The following TFPI variants were observed in gnomAD, a reference collection of about 807,000 sequenced individuals.
The protein encoded by TFPI is anti-convertin.
In TFPI, 15 loss-of-function variants were observed where a neutral mutation model predicts 34.6. The ratio of observed to expected loss-of-function variants is 0.43; its 90% CI spans 0.29 to 0.67. The LOEUF (loss-of-function observed/expected upper bound fraction) is 0.67. Ranked by LOEUF, TFPI falls within the 30% of genes least tolerant of loss-of-function variation. The pLI is 0.15. For missense variants in TFPI, 301 were observed against 364.0 expected, an observed-to-expected ratio of 0.83 and a Z score of 1.41; for synonymous variants, 105 against 120.1, an observed-to-expected ratio of 0.87 and a Z score of 0.82.
At chr2:187,485,784 T>C (rs1394100707) in intron 4 of TFPI, among the ~76,000 whole-genome samples, 1 of 151,706 alleles carries the variant, frequency 6.6e-6, no homozygotes, top group East Asian at 1.9e-4. Flanking sequence ...TGAGCTAATT[T>C]TCAAAATTAT....
intron 1 of TFPI, among the ~76,000 whole-genome samples, chr2:187,532,803 G>T (rs983977593): frequency 6.6e-6 from 1 of 152,140 alleles, no homozygotes; most frequent in African/African-American, 2.4e-5. Context: ...TCAGCCCCAT[G>T]GAGCCCAGCA....
At chr2:187,516,396 A>C (rs1337719000) in intron 1 of TFPI, 1 of 152,208 alleles carries the variant, frequency 6.6e-6, no homozygotes, top group African/African-American at 2.4e-5. Flanking sequence ...CTCTTATAAT[A>C]AAAATTATAA....
chr2:187,530,641 A>G (rs1381378691), intron 1 of TFPI, among the ~76,000 whole-genome samples: 2 of 152,112 alleles, frequency 1.3e-5, no homozygotes, highest in African/African-American at 4.8e-5. Context: ...CTTCCTTCCT[A>G]TGCTTTTTAA....
chr2:187,539,300 ATAACT>A lies in TFPI; in HGVS notation c.-3+14895_-3+14899del, dbSNP rs935604080. 5.1e-4 allele frequency among the ~76,000 whole-genome samples: 77 copies of A among 152,326 alleles called. 1 individual carries two copies. The highest frequency in any genetic ancestry group is 1.8e-3 in the African/African-American group (73 of 41,570). On this transcript the variant is annotated intron_variant, in intron 1 of 7. Coordinates refer to ENST00000233156, the MANE Select transcript of TFPI (RefSeq NM_006287.6). The stretch of plus-strand genomic sequence containing the variant: ...TTGTACACTCTTTTTTTCTTTCAAA[ATAACT>A]TAAGAATTAAAATGAGATGGAGCAA...
At chr2:187,508,768 C>T (rs917280537) in intron 1 of TFPI, among the ~76,000 whole-genome samples, 1 of 152,124 alleles carries the variant, frequency 6.6e-6, no homozygotes, top group Non-Finnish European at 1.5e-5. Context: ...TCCTCTCTTC[C>T]TATTTGAATA....
At chr2:187,506,508 T>C (rs1387638945) in intron 1 of TFPI, among the ~76,000 whole-genome samples, 1 of 152,130 alleles carries the variant, frequency 6.6e-6, no homozygotes, top group Non-Finnish European at 1.5e-5. Flanking sequence ...CAAATATCCT[T>C]ATCTTTTCCC....
At chr2:187,545,251 A>G (rs976485121) in intron 1 of TFPI, among the ~76,000 whole-genome samples, 2 of 152,238 alleles carry the variant, frequency 1.3e-5, no homozygotes, top group Non-Finnish European at 2.9e-5. Flanking sequence ...TTTGTTATTC[A>G]TAGTATTAAA....
chr2:187,508,845 G>A (rs955341924), intron 1 of TFPI, among the ~76,000 whole-genome samples: 10 of 152,142 alleles, frequency 6.6e-5, no homozygotes, highest in South Asian at 2.1e-4. Flanking sequence ...GAGTAAGAGC[G>A]GTGAGAGAGG....
chr2:187,511,525 A>T (rs13024536), intron 1 of TFPI, among the ~76,000 whole-genome samples: 1 of 151,990 alleles, frequency 6.6e-6, no homozygotes, highest in Non-Finnish European at 1.5e-5. Flanking sequence ...ACCAGGAACT[A>T]TGTTGAAAAA....
At chr2:187,534,350 A>T (rs1402389486) in intron 1 of TFPI, among the ~76,000 whole-genome samples, 1 of 152,248 alleles carries the variant, frequency 6.6e-6, no homozygotes, top group Non-Finnish European at 1.5e-5. Context: ...AGGGAAGCCC[A>T]TCAGATTAAC....
chr2:187,532,363 T>A (rs552654796), intron 1 of TFPI, among the ~76,000 whole-genome samples: 20 of 152,338 alleles, frequency 1.3e-4, no homozygotes, highest in Admixed American at 6.5e-5. Flanking sequence ...GATTTCTGCA[T>A]TTCCAACTGA....
At chr2:187,496,796 T>C in intron 3 of TFPI, 85 bp downstream of exon 3, 6 of 1,221,048 alleles carry the variant, frequency 4.9e-6, no homozygotes, top group Non-Finnish European at 6.9e-6. Context: ...AGCATGAAAT[T>C]ACTTTTCTCC....
At chr2:187,525,596 C>T (rs1271854590) in intron 1 of TFPI, among the ~76,000 whole-genome samples, 1 of 152,012 alleles carries the variant, frequency 6.6e-6, no homozygotes, top group East Asian at 1.9e-4. Context: ...TTTTAACTCC[C>T]AGTACTTCAG....
At chr2:187,468,748 G>T (rs892287207) in intron 6 of TFPI, among the ~76,000 whole-genome samples, 19 of 152,180 alleles carry the variant, frequency 1.2e-4, no homozygotes, top group African/African-American at 4.6e-4. Flanking sequence ...TTAGTTTTTA[G>T]CTCTCTGGGA....
chr2:187,493,644 A>G (rs938699882), intron 3 of TFPI, among the ~76,000 whole-genome samples: 1 of 151,774 alleles, frequency 6.6e-6, no homozygotes, highest in Non-Finnish European at 1.5e-5. Flanking sequence ...CAGCACCTAA[A>G]CCCCCCTTGA....
At chr2:187,477,166 C>T (rs1692430588) in intron 6 of TFPI, among the ~76,000 whole-genome samples, 1 of 152,172 alleles carries the variant, frequency 6.6e-6, no homozygotes, top group South Asian at 2.1e-4. Context: ...CAGTGGTCAT[C>T]TAGGGTGACT....
At chr2:187,470,223 T>A (rs1691954569) in intron 6 of TFPI, among the ~76,000 whole-genome samples, 1 of 152,192 alleles carries the variant, frequency 6.6e-6, no homozygotes, top group African/African-American at 2.4e-5. Flanking sequence ...AGATAATATG[T>A]GTGAATGTGG....
chr2:187,483,460 T>A (rs1693027868), intron 6 of TFPI, among the ~76,000 whole-genome samples: 1 of 151,990 alleles, frequency 6.6e-6, no homozygotes, highest in Non-Finnish European at 1.5e-5. Flanking sequence ...ACACTGGTAA[T>A]TTTTAGCTGT....
At chr2:187,514,148 C>A (rs1686836352) in intron 1 of TFPI, 1 of 152,236 alleles carries the variant, frequency 6.6e-6, no homozygotes, top group South Asian at 2.1e-4. Context: ...ACCATATGTT[C>A]ATTTTACTAG....
Sources: allele counts gnomAD v4.1 joint callset (sites outside exome capture counted in the v4.1 genomes callset), GRCh38; gene constraint gnomAD v4.1.1; transcripts MANE v1.5; gene names NCBI Gene and HGNC (gene_info 2026-07-23, HGNC 2026-07-21).